Variants in NQO1 observed in about 807,000 individuals in gnomAD.
The protein encoded by NQO1 is NAD(P)H dehydrogenase [quinone] 1.
NQO1 carries 30 observed loss-of-function variants against 32.1 expected under a neutral mutation model. The observed-to-expected ratio is 0.94, with a 90% CI of 0.70 to 1.27. The LOEUF (loss-of-function observed/expected upper bound fraction) is 1.27. Ranked by LOEUF, NQO1 falls within the 50% of genes most tolerant of loss-of-function variation. The probability of loss-of-function intolerance (pLI) is 0.00; values close to 1 mark genes in which losing one functional copy is unlikely to be tolerated. For synonymous variants in NQO1, 109 were observed against 119.7 expected (o/e 0.91, Z 0.59); for missense variants, 276 against 331.3 (o/e 0.83, Z 1.30).
chr16:69,718,663 C>T (rs956799533), intron 1 of NQO1, 129 bp from the exon 2 acceptor site: 4 of 801,916 alleles, frequency 5.0e-6, no homozygotes, highest in Non-Finnish European at 7.8e-6. Flanking sequence ...CATTCCATCT[C>T]CTGTAGCCAG....
rs1408449337 is a variant in NQO1, at chr16:69,717,972, A to T, written c.303+151T>A. ...CAGATTCCCAATATCTGTGAAATCC[A>T]TGTAATACTGCACCTTTAAAGTAAT... is the stretch of plus-strand genomic sequence containing the variant. On this transcript the variant is annotated intron_variant, in intron 3 of 5. Coordinates refer to ENST00000320623, the MANE Select transcript of NQO1 (RefSeq NM_000903.3). The T allele has an allele frequency of 3.6e-6, 4 of 1,114,584 alleles. No individual in the cohort carries two copies. The African/African-American group carries it at 4.7e-5, about 13-fold the overall frequency. The allele number at this position is 1,114,584 out of a possible 1,614,324, so 69.0% of individuals were successfully genotyped here. A position where few individuals can be genotyped will look rare whatever the true frequency, so the allele number is the denominator to read the frequency against.
At position 69,726,443 on chromosome 16, in the gene NQO1, T is replaced by G. The variant is rs1014686074; in HGVS notation, c.-4A>C. The stretch of plus-strand genomic sequence containing the variant: ...CTTTGCAGCACTCACCGACCATGGC[T>G]CTGGTGCAGTCCGGGGCGCTGATTG... On this transcript the variant is annotated 5_prime_UTR_variant, in exon 1 of 6. Transcript: ENST00000320623. The G allele has an allele frequency of 6.2e-7, 1 of 1,610,784 alleles. No individual in the cohort carries two copies.
intron 4 of NQO1, among the ~76,000 whole-genome samples, chr16:69,714,169 G>T (rs1162489284): frequency 2.0e-5 from 3 of 148,838 alleles, no homozygotes; most frequent in African/African-American, 7.5e-5. Flanking sequence ...GAGCCACCGT[G>T]CTTGGCCTTT....
At chr16:69,715,548 A>G (rs1173159717) in intron 3 of NQO1, among the ~76,000 whole-genome samples, 1 of 152,230 alleles carries the variant, frequency 6.6e-6, no homozygotes, top group Non-Finnish European at 1.5e-5. Context: ...CGGGTGGATC[A>G]CTTGAGGGCA....
intron 1 of NQO1, among the ~76,000 whole-genome samples, chr16:69,723,753 G>T (rs2038224368): frequency 6.6e-6 from 1 of 152,158 alleles, no homozygotes; most frequent in South Asian, 2.1e-4. Flanking sequence ...AATGAGCCGA[G>T]ATCGCACCAT....
Position 69,710,885 on chromosome 16 carries a change from C to T in NQO1, c.*91G>A. On this transcript the variant is annotated 3_prime_UTR_variant, in exon 6 of 6. Coordinates refer to ENST00000320623, the MANE Select transcript of NQO1 (RefSeq NM_000903.3). ...TTTATTCCTTGTGGAAAAAGAAAAA[C>T]ACAAATCTTAAAAACTAAAGCAAGT... 2.2e-6 allele frequency: 3 copies of T among 1,373,282 alleles called. No individual in the cohort carries two copies. In the South Asian group the frequency reaches 4.3e-5, roughly 20 times the overall value. 85.1% of individuals were successfully genotyped at this position (1,373,282 alleles called of 1,614,324 possible). A position where few individuals can be genotyped will look rare whatever the true frequency, so the allele number is the denominator to read the frequency against.
At chr16:69,716,707 T>TG (rs1462495763) in intron 3 of NQO1, among the ~76,000 whole-genome samples, 3 of 151,902 alleles carry the variant, frequency 2.0e-5, no homozygotes, top group Admixed American at 6.6e-5. Context: ...CCCAGCCTTT[T>TG]GGGAGGTCCA....
At chr16:69,714,752 G>A (rs1312414681) in intron 4 of NQO1, among the ~76,000 whole-genome samples, 2 of 151,764 alleles carry the variant, frequency 1.3e-5, no homozygotes, top group Non-Finnish European at 2.9e-5. Context: ...GGTGGCATAT[G>A]CCTGTAATCC....
intron 3 of NQO1, among the ~76,000 whole-genome samples, chr16:69,715,759 C>A (rs920209296): frequency 6.6e-6 from 1 of 152,104 alleles, no homozygotes. Context: ...CAGAGTGAGA[C>A]CCCATCGTGG....
intron 1 of NQO1, among the ~76,000 whole-genome samples, chr16:69,723,353 T>C (rs1489547407): frequency 6.6e-6 from 1 of 152,166 alleles, no homozygotes; most frequent in African/African-American, 2.4e-5. Flanking sequence ...GAGCTCAGAC[T>C]CTAATAGCTA....
rs199782876 is a variant in NQO1 at position 69,721,376 on chromosome 16, C to T, written c.8-2842G>A. On this transcript the variant is annotated intron_variant, in intron 1 of 5. Transcript: ENST00000320623. ...AAGAGGCTTCGCCCAGCACGGGGCT[C>T]ACCTGCCCTTCCACCTTCTACCTCC... Among the ~76,000 whole-genome samples the T allele has an allele frequency of 3.9e-5, 6 of 152,308 alleles. No homozygotes were observed. In the East Asian group the frequency reaches 5.8e-4, roughly 15 times the overall value.
chr16:69,716,379 C>T (rs1454856707), intron 3 of NQO1, among the ~76,000 whole-genome samples: 1 of 151,620 alleles, frequency 6.6e-6, no homozygotes, highest in East Asian at 1.9e-4. Flanking sequence ...GTAGTCCCAG[C>T]TACTTGGGAG....
rs2038027403 is a variant in NQO1, at chr16:69,710,789, G to A, written c.*187C>T. 3.0e-6 allele frequency: 2 copies of A among 672,666 alleles called. No homozygotes were observed. The highest frequency in any genetic ancestry group is 4.8e-6 in the Non-Finnish European group (2 of 414,942). 41.7% of individuals were successfully genotyped at this position (672,666 alleles called of 1,614,324 possible). A position where few individuals can be genotyped will look rare whatever the true frequency, so the allele number is the denominator to read the frequency against. On this transcript the variant is annotated 3_prime_UTR_variant, in exon 6 of 6. Coordinates refer to ENST00000320623, the MANE Select transcript of NQO1 (RefSeq NM_000903.3). ...GAGCCCAGTCGGATTTTGGTTATAT[G>A]CCATGATAGTAATCATAAGAATCAG...
chr16:69,718,473 C>T lies in NQO1; in HGVS notation c.69G>A (p.Lys23=). ...SERTSFNYAM[K]EAAAAALKKK... ...TCTTCAAAGCCGCTGCAGCAGCCTC[C>T]TTCATGGCATAGTTGAAGGACGTCC... Residue 23 remains lysine, a synonymous_variant, in exon 2 of 6, where the codon AAG becomes AAA. Transcript: ENST00000320623. The T allele has an allele frequency of 6.2e-7, 1 of 1,614,138 alleles. No individual in the cohort carries two copies. Among genetic ancestry groups the T allele is most frequent in the Non-Finnish European group, 8.5e-7 (1 of 1,180,020 alleles).
In NQO1 at chr16:69,710,904, A is replaced by C. The variant is rs577562308; in HGVS notation, c.*72T>G. 1.4e-6 allele frequency: 2 copies of C among 1,470,580 alleles called. No individual in the cohort carries two copies. Among genetic ancestry groups the C allele is most frequent in the South Asian group, 1.3e-5 (1 of 74,712 alleles). The allele number at this position is 1,470,580 out of a possible 1,614,324, so 91.1% of individuals were successfully genotyped here. ...GAAAAACACAAATCTTAAAAACTAA[A>C]GCAAGTCAGGGAAGCCTGGAAAGAT... On this transcript the variant is annotated 3_prime_UTR_variant, in exon 6 of 6. Coordinates refer to ENST00000320623, the MANE Select transcript of NQO1 (RefSeq NM_000903.3).
chr16:69,720,799 G>A (rs1176209097), intron 1 of NQO1, among the ~76,000 whole-genome samples: 1 of 152,178 alleles, frequency 6.6e-6, no homozygotes, highest in Non-Finnish European at 1.5e-5. Flanking sequence ...GGTTGTCAGA[G>A]GCAGCATGCT....
intron 1 of NQO1, among the ~76,000 whole-genome samples, chr16:69,723,148 T>C (rs1567635273): frequency 6.6e-6 from 1 of 152,122 alleles, no homozygotes; most frequent in Middle Eastern, 3.4e-3. Flanking sequence ...TGGTCTCGAT[T>C]TCCTGACCTC....
At chr16:69,723,114 G>C (rs1327655121) in intron 1 of NQO1, among the ~76,000 whole-genome samples, 2 of 152,226 alleles carry the variant, frequency 1.3e-5, no homozygotes, top group South Asian at 2.1e-4. Flanking sequence ...TAGTAGAGAC[G>C]GGGTTTCACC....
At chr16:69,712,756 G>A (rs1382364518) in intron 5 of NQO1, among the ~76,000 whole-genome samples, 1 of 152,184 alleles carries the variant, frequency 6.6e-6, no homozygotes, top group Non-Finnish European at 1.5e-5. Flanking sequence ...TGTAATCACA[G>A]CACTTTGGGA....
Sources: gnomAD v4.1 joint callset for allele counts (sites outside exome capture counted in the v4.1 genomes callset) on GRCh38, gnomAD v4.1.1 for gene constraint, MANE v1.5 for transcripts, NCBI Gene and HGNC (gene_info 2026-07-23, HGNC 2026-07-21) for gene names.